The following MFSD6 variants were observed in gnomAD, a reference collection of about 807,000 sequenced individuals.
MFSD6 encodes major facilitator superfamily domain-containing protein 6.
MFSD6 carries 26 observed loss-of-function variants against 56.3 expected under a neutral mutation model. That is an observed-to-expected ratio of 0.46 (90% CI 0.34 to 0.64). MFSD6 has a LOEUF of 0.64. Ranked by LOEUF, MFSD6 falls within the 30% of genes least tolerant of loss-of-function variation. MFSD6 has a pLI of 0.01. For missense variants in MFSD6, 750 were observed against 986.2 expected (o/e 0.76, Z 3.21); for synonymous variants, 331 against 366.9 (o/e 0.90, Z 1.12).
intron 2 of MFSD6, among the ~76,000 whole-genome samples, chr2:190,421,725 T>TAAA (rs35466789): frequency 2.7e-5 from 4 of 150,902 alleles, no homozygotes; most frequent in East Asian, 1.9e-4. Flanking sequence ...CTGGCTAACT[T>TAAA]AAAAAAAAAA....
rs1046822122 is a variant in MFSD6, at chr2:190,491,344, A to G, written c.1891+1478A>G. Among the ~76,000 whole-genome samples, 2 of 152,210 alleles carry G rather than the reference A, an allele frequency of 1.3e-5. No homozygotes were observed. Among genetic ancestry groups the G allele is most frequent in the Non-Finnish European group, 2.9e-5 (2 of 68,038 alleles). On this transcript the variant is annotated intron_variant, in intron 6 of 7. Coordinates refer to ENST00000392328, the MANE Select transcript of MFSD6 (RefSeq NM_017694.4). The surrounding 1 kb of genome is among the most constrained non-coding windows in gnomAD (Gnocchi z 4.2). ...TGCATCATGCTTTTGCTCCAGAACT[A>G]CTGCAGGAATATACCAGGAAAGCTG...
In MFSD6 at chr2:190,412,962, A is replaced by G. The variant is rs1424997535; in HGVS notation, c.-175-2330A>G. ...TGTTTGGTGCAGGGGCCAAAACAGA[A>G]AAGCCAACCAAATAATAAATAATTA... is the stretch of plus-strand genomic sequence containing the variant. On this transcript the variant is annotated intron_variant, in intron 1 of 7. Coordinates refer to ENST00000392328, the MANE Select transcript of MFSD6 (RefSeq NM_017694.4). The surrounding 1 kb of genome is among the most constrained non-coding windows in gnomAD (Gnocchi z 4.1). Among the ~76,000 whole-genome samples, 1 of 152,240 alleles carries G rather than the reference A, an allele frequency of 6.6e-6. No homozygotes were observed. Among genetic ancestry groups the G allele is most frequent in the African/African-American group, 2.4e-5 (1 of 41,460 alleles).
intron 3 of MFSD6, among the ~76,000 whole-genome samples, chr2:190,441,507 A>T (rs1012082853): frequency 3.9e-5 from 6 of 151,972 alleles, no homozygotes; most frequent in African/African-American, 1.5e-4. Flanking sequence ...AAAGCAGGGC[A>T]TTTATATTTC....
intron 4 of MFSD6, among the ~76,000 whole-genome samples, chr2:190,486,925 A>G (rs1473490195): frequency 3.3e-5 from 5 of 152,212 alleles, no homozygotes; most frequent in Non-Finnish European, 5.9e-5. Flanking sequence ...TTACTACATA[A>G]TAAGATAATG....
rs1690595773 is a variant in MFSD6, at chr2:190,412,357, C to T, written c.-175-2935C>T. On this transcript the variant is annotated intron_variant, in intron 1 of 7. Transcript: ENST00000392328. This position sits in a 1 kb window ranked among gnomAD's most constrained non-coding sequence, Gnocchi z 4.1. ...TCTCACAATTTTAGGTATTATCCAA[C>T]ATTTCATTTTGGGTTCTAATTATGT... 1 of 984,038 alleles carries T rather than the reference C, an allele frequency of 1.0e-6. No homozygotes were observed. Among genetic ancestry groups the T allele is most frequent in the East Asian group, 1.1e-4 (1 of 8,802 alleles). The allele number at this position is 984,038 out of a possible 1,614,324, so 61.0% of individuals were successfully genotyped here.
chr2:190,420,797 CA>C (rs1685581750), intron 2 of MFSD6, among the ~76,000 whole-genome samples: 1 of 151,650 alleles, frequency 6.6e-6, no homozygotes, highest in Non-Finnish European at 1.5e-5. Flanking sequence ...TCCTTTTTAC[CA>C]AAATCTAAAT....
At position 190,436,603 on chromosome 2, in the gene MFSD6, T is replaced by C; in HGVS notation, c.574T>C (p.Ser192Pro). Residue 192 changes from serine (S) to proline (P), a missense_variant, in exon 3 of 8, where the codon TCA becomes CCA. This residue lies in a region of MFSD6 where 376 missense variants were observed against 437.9 expected (regional missense o/e 0.86). Transcript: ENST00000392328. This position sits in a 1 kb window ranked among gnomAD's most constrained non-coding sequence, Gnocchi z 5.3. ...NSSFTSFLTI[S>P]PKMREKRNLL... ...TTCCTTTACCTCTTTCCTCACCATA[T>C]CACCAAAAATGCGTGAGAAAAGAAA... The C allele has an allele frequency of 6.2e-7, 1 of 1,614,128 alleles. No homozygotes were observed. The highest frequency in any genetic ancestry group is 8.5e-7 in the Non-Finnish European group (1 of 1,180,028).
In MFSD6 at chr2:190,471,777, C is replaced by A. The variant is rs971317889; in HGVS notation, c.1630+1922C>A. Among the ~76,000 whole-genome samples the A allele has an allele frequency of 1.3e-5, 2 of 152,210 alleles. No individual in the cohort carries two copies. Among genetic ancestry groups the A allele is most frequent in the African/African-American group, 4.8e-5 (2 of 41,462 alleles). On this transcript the variant is annotated intron_variant, in intron 4 of 7. Transcript: ENST00000392328. This position sits in a 1 kb window ranked among gnomAD's most constrained non-coding sequence, Gnocchi z 4.7. The stretch of plus-strand genomic sequence containing the variant: ...CAGGACGCAGCTTGAGATCTGAGAA[C>A]AGACAGACTGCCTCCTCAAGTGGGT...
In MFSD6 at chr2:190,495,820, C is replaced by T. The variant is rs1395744926; in HGVS notation, c.1892-1619C>T. ...GGAGAATGAAACTGGATCCTCATTT[C>T]TCACCGTATAAAAAAATCAACTCAA... On this transcript the variant is annotated intron_variant, in intron 6 of 7. Transcript: ENST00000392328. This position sits in a 1 kb window ranked among gnomAD's most constrained non-coding sequence, Gnocchi z 4.7. Among the ~76,000 whole-genome samples the T allele has an allele frequency of 6.6e-6, 1 of 152,056 alleles. No individual in the cohort carries two copies. Among genetic ancestry groups the T allele is most frequent in the African/African-American group, 2.4e-5 (1 of 41,420 alleles).
chr2:190,419,446 C>T (rs1690919634), intron 2 of MFSD6, among the ~76,000 whole-genome samples: 1 of 152,352 alleles, frequency 6.6e-6, no homozygotes, highest in Middle Eastern at 3.4e-3. Context: ...CAGCTTCAGC[C>T]CTCATCACTA....
rs988432366 is a variant in MFSD6 at position 190,489,095 on chromosome 2, T to C, written c.1792+277T>C. Reference sequence around the variant, plus strand: ...CCTCAAAGGAGCCAAACAAATGAATTAGCATGAGTGCTTTTGGTCTAAAAT... The same window carrying C: ...CCTCAAAGGAGCCAAACAAATGAATCAGCATGAGTGCTTTTGGTCTAAAAT... On this transcript the variant is annotated intron_variant, in intron 5 of 7. Coordinates refer to ENST00000392328, the MANE Select transcript of MFSD6 (RefSeq NM_017694.4). The surrounding 1 kb of genome is among the most constrained non-coding windows in gnomAD (Gnocchi z 6.6). 1.3e-5 allele frequency among the ~76,000 whole-genome samples: 2 copies of C among 152,208 alleles called. No individual in the cohort carries two copies. Among genetic ancestry groups the C allele is most frequent in the Admixed American group, 6.5e-5 (1 of 15,282 alleles).
At chr2:190,479,080 G>T (rs1688513380) in intron 4 of MFSD6, among the ~76,000 whole-genome samples, 1 of 152,134 alleles carries the variant, frequency 6.6e-6, no homozygotes, top group South Asian at 2.1e-4. Flanking sequence ...CTCAGGCCAT[G>T]TTCATAATAA....
rs1277004279 is a variant in MFSD6, at chr2:190,431,088, G to C, written c.-53-4889G>C. Among the ~76,000 whole-genome samples the C allele has an allele frequency of 6.9e-6, 1 of 145,424 alleles. No homozygotes were observed. Among genetic ancestry groups the C allele is most frequent in the Non-Finnish European group, 1.5e-5 (1 of 66,222 alleles). On this transcript the variant is annotated intron_variant, in intron 2 of 7. Transcript: ENST00000392328. The surrounding 1 kb of genome is among the most constrained non-coding windows in gnomAD (Gnocchi z 4.4). ...GACGGGGTCGCAGCCGGGCAGAGGC[G>C]CTCCTCACATCCCAGACAGGGCGGC...
chr2:190,447,494 CTG>C lies in MFSD6; in HGVS notation c.1532+9937_1532+9938del, dbSNP rs995353582. 2.0e-4 allele frequency among the ~76,000 whole-genome samples: 30 copies of C among 152,122 alleles called. No homozygotes were observed. The highest frequency in any genetic ancestry group is 1.4e-3 in the Admixed American group (22 of 15,282). On this transcript the variant is annotated intron_variant, in intron 3 of 7. Transcript: ENST00000392328. This position sits in a 1 kb window ranked among gnomAD's most constrained non-coding sequence, Gnocchi z 4.5. ...ATAGGCCCTATCTTATACATATAGT[CTG>C]TGTCATAGCACATATGAAAAAATGA...
rs1424072888 is a variant in MFSD6 at position 190,499,290 on chromosome 2, G to A, written c.2173-725G>A. Among the ~76,000 whole-genome samples, 1 of 152,158 alleles carries A rather than the reference G, an allele frequency of 6.6e-6. No individual in the cohort carries two copies. The highest frequency in any genetic ancestry group is 1.9e-4 in the East Asian group (1 of 5,202). Reference sequence around the variant, plus strand: ...TCTTTCATTGTAGAATCACAGAAATGAACATTTTTATTTGGGTGTTCAGCC... The same window carrying A: ...TCTTTCATTGTAGAATCACAGAAATAAACATTTTTATTTGGGTGTTCAGCC... On this transcript the variant is annotated intron_variant, in intron 7 of 7. Coordinates refer to ENST00000392328, the MANE Select transcript of MFSD6 (RefSeq NM_017694.4). This position sits in a 1 kb window ranked among gnomAD's most constrained non-coding sequence, Gnocchi z 6.0.
Position 190,413,733 on chromosome 2 carries a change from G to C in MFSD6, c.-175-1559G>C, listed in dbSNP as rs536793512. Among the ~76,000 whole-genome samples, 1 of 152,288 alleles carries C rather than the reference G, an allele frequency of 6.6e-6. No individual in the cohort carries two copies. Among genetic ancestry groups the C allele is most frequent in the East Asian group, 1.9e-4 (1 of 5,188 alleles). ...GTTAGCAGTCTGTGTTGGTTATGTA[G>C]AGAGACCTTGTTCCACAGGCAGGTG... On this transcript the variant is annotated intron_variant, in intron 1 of 7. Coordinates refer to ENST00000392328, the MANE Select transcript of MFSD6 (RefSeq NM_017694.4). The surrounding 1 kb of genome is among the most constrained non-coding windows in gnomAD (Gnocchi z 4.1).
chr2:190,454,676 A>G lies in MFSD6; in HGVS notation c.1533-15082A>G, dbSNP rs1196890463. On this transcript the variant is annotated intron_variant, in intron 3 of 7. Coordinates refer to ENST00000392328, the MANE Select transcript of MFSD6 (RefSeq NM_017694.4). This position sits in a 1 kb window ranked among gnomAD's most constrained non-coding sequence, Gnocchi z 4.6. ...TTCTCAGATTTCCAGCTCCAGAACT[A>G]TAAGAAATAAATGTCTATTGCTTAA... is the stretch of plus-strand genomic sequence containing the variant. Among the ~76,000 whole-genome samples the G allele has an allele frequency of 2.0e-5, 3 of 152,120 alleles. No individual in the cohort carries two copies. Among genetic ancestry groups the G allele is most frequent in the African/African-American group, 4.8e-5 (2 of 41,402 alleles).
In MFSD6 at chr2:190,463,921, A is replaced by G; in HGVS notation, c.1533-5837A>G. ...GTCTACCATACAGAAAACGTAATCCAGTTTATATATGAGGCAGACTGTAGA... is the reference window on the plus strand; with the variant it reads ...GTCTACCATACAGAAAACGTAATCCGGTTTATATATGAGGCAGACTGTAGA... On this transcript the variant is annotated intron_variant, in intron 3 of 7. Coordinates refer to ENST00000392328, the MANE Select transcript of MFSD6 (RefSeq NM_017694.4). This position sits in a 1 kb window ranked among gnomAD's most constrained non-coding sequence, Gnocchi z 4.4. 3 of 982,600 alleles carry G rather than the reference A, an allele frequency of 3.1e-6. No individual in the cohort carries two copies. Among genetic ancestry groups the G allele is most frequent in the Non-Finnish European group, 3.6e-6 (3 of 827,368 alleles). 60.9% of individuals were successfully genotyped at this position (982,600 alleles called of 1,614,324 possible).
intron 3 of MFSD6, among the ~76,000 whole-genome samples, chr2:190,468,116 C>G (rs2125137805): frequency 6.6e-6 from 1 of 151,986 alleles, no homozygotes; most frequent in Non-Finnish European, 1.5e-5. Flanking sequence ...TTTTTTTTCC[C>G]TAGCAGAGGG....
Sources: gnomAD v4.1 joint callset for allele counts (sites outside exome capture counted in the v4.1 genomes callset) on GRCh38, gnomAD v4.1.1 for gene constraint, gnomAD v4.1.1 regional missense constraint, Gnocchi (gnomAD v3.1) non-coding constraint, MANE v1.5 for transcripts, NCBI Gene and HGNC (gene_info 2026-07-23, HGNC 2026-07-21) for gene names.